ACP1: variants seen among roughly 807,000 people sequenced by gnomAD.
ACP1 encodes the protein low molecular weight phosphotyrosine protein phosphatase.
ACP1 carries 23 observed loss-of-function variants against 23.4 expected under a neutral mutation model. The ratio of observed to expected loss-of-function variants is 0.98; its 90% CI spans 0.71 to 1.39. The LOEUF is 1.39. ACP1 is among the 40% of genes most tolerant of loss of function. ACP1 has a pLI of 0.00. For missense variants in ACP1, 180 were observed against 197.7 expected (o/e 0.91, Z 0.54); for synonymous variants, 72 against 67.2 (o/e 1.07, Z -0.35).
At chr2:269,687 A>G (rs934357988) in intron 1 of ACP1, among the ~76,000 whole-genome samples, 3 of 152,176 alleles carry the variant, frequency 2.0e-5, no homozygotes, top group African/African-American at 7.2e-5. Flanking sequence ...AGCGCAGATC[A>G]TAGAAACTAG....
intron 3 of ACP1, chr2:273,162 G>A (rs1427370769): frequency 6.5e-6 from 1 of 153,358 alleles, no homozygotes; most frequent in African/African-American, 2.4e-5. Context: ...AAAACGGGAA[G>A]AGGGAAACAG....
chr2:265,031 T>A (rs1031876142), intron 1 of ACP1, 24 bp downstream of exon 1: 16 of 1,611,362 alleles, frequency 9.9e-6, no homozygotes, highest in Non-Finnish European at 1.1e-5. Context: ...GACTTACTCA[T>A]GTTCTGACGT....
rs567109315 is a variant in ACP1 at position 276,394 on chromosome 2, A to G, written c.294-586A>G. Among the ~76,000 whole-genome samples the G allele has an allele frequency of 5.9e-5, 9 of 152,314 alleles. No individual in the cohort carries two copies. In the South Asian group the frequency reaches 1.9e-3, roughly 32 times the overall value. The stretch of plus-strand genomic sequence containing the variant: ...CCCACATAAAGCACGTACCTGACTC[A>G]TCAACTCATCTGTCGCAGGTGCTCA... On this transcript the variant is annotated intron_variant, in intron 4 of 5. Transcript: ENST00000272065.
chr2:265,115 C>T (rs1669817902), intron 1 of ACP1, 108 bp downstream of exon 1: 6 of 1,408,818 alleles, frequency 4.3e-6, no homozygotes, highest in African/African-American at 2.9e-5. Context: ...GGGGAGGAGG[C>T]CAGGGACTGG....
chr2:274,956 C>A, intron 3 of ACP1, 184 bp from the exon 4 acceptor site: 1 of 381,430 alleles, frequency 2.6e-6, no homozygotes, highest in Admixed American at 4.3e-5. Flanking sequence ...AATTTCTTTG[C>A]AGTACAATTT....
chr2:273,925 T>C (rs970583249), intron 3 of ACP1, among the ~76,000 whole-genome samples: 12 of 152,132 alleles, frequency 7.9e-5, no homozygotes, highest in Non-Finnish European at 1.5e-5. Context: ...AATAACACTT[T>C]GGGAGGCTCA....
chr2:269,794 A>G (rs1210595180), intron 1 of ACP1, among the ~76,000 whole-genome samples: 1 of 152,220 alleles, frequency 6.6e-6, no homozygotes, highest in Non-Finnish European at 1.5e-5. Flanking sequence ...GCCCTGCCTC[A>G]TTCCTGGGGG....
chr2:276,303 T>G (rs1473877417), intron 4 of ACP1, among the ~76,000 whole-genome samples: 1 of 152,234 alleles, frequency 6.6e-6, no homozygotes, highest in Non-Finnish European at 1.5e-5. Context: ...CTGCCTGCAG[T>G]TCTCATTCCT....
chr2:264,989 G>T lies in ACP1; in HGVS notation c.25G>T (p.Val9Leu), dbSNP rs768112455. Residue 9 changes from valine to leucine, a missense_variant, in exon 1 of 6, where the codon GTG (valine) becomes TTG (leucine). By Grantham distance (32) the Val-to-Leu change is conservative. Around this residue, in one of 3 missense-constraint regions of ACP1, gnomAD observed 132 missense variants for 124.1 expected, o/e 1.06. Transcript: ENST00000272065. MAEQATKS[V>L]LFVCLGNICR... ...GATGGCGGAACAGGCTACCAAGTCC[G>T]TGCTGTTTGTGTGTCTGGGTAAGAG... 2 of 1,613,180 alleles carry T rather than the reference G, an allele frequency of 1.2e-6. No homozygotes were observed. The highest frequency in any genetic ancestry group is 1.7e-6 in the Non-Finnish European group (2 of 1,179,662).
In ACP1 at chr2:272,068, A is replaced by G. The variant is rs1336227647; in HGVS notation, c.149A>G (p.Tyr50Cys). 1 of 1,613,756 alleles carries G rather than the reference A, an allele frequency of 6.2e-7. No individual in the cohort carries two copies. Among genetic ancestry groups the G allele is most frequent in the East Asian group, 2.2e-5 (1 of 44,850 alleles). ...WRVDSAATSG[Y>C]EIGNPPDYRG... ...GTAGACAGCGCGGCAACTTCCGGGT[A>G]TGAGATAGGGAACCCCCCTGACTAC... Residue 50 changes from tyrosine (Y) to cysteine (C), a missense_variant, in exon 3 of 6, where the codon TAT becomes TGT. Tyr to Cys is a radical substitution (Grantham distance 194). Around this residue, in one of 3 missense-constraint regions of ACP1, gnomAD observed 132 missense variants for 124.1 expected, o/e 1.06. Coordinates refer to ENST00000272065, the MANE Select transcript of ACP1 (RefSeq NM_004300.4).
rs1363503621 is a variant in ACP1, at chr2:277,327, G to T, written c.*23G>T. Reference sequence around the variant, plus strand: ...TGAGGCAGGTTCGTGCCCTGCTGCGGCCAGCCTGACTAGACCCCACCCTGA... The same window carrying T: ...TGAGGCAGGTTCGTGCCCTGCTGCGTCCAGCCTGACTAGACCCCACCCTGA... On this transcript the variant is annotated 3_prime_UTR_variant, in exon 6 of 6. Transcript: ENST00000272065. The T allele has an allele frequency of 2.5e-6, 4 of 1,610,598 alleles. No homozygotes were observed. The Admixed American group carries it at 6.7e-5, about 27-fold the overall frequency.
intron 4 of ACP1, 100 bp downstream of exon 4, chr2:275,301 A>T: frequency 4.8e-6 from 3 of 620,530 alleles, no homozygotes; most frequent in Non-Finnish European, 8.3e-6. Context: ...TAAAGGTTTT[A>T]ATAGTCAGTG....
At chr2:270,065 C>T (rs778910159) in intron 1 of ACP1, among the ~76,000 whole-genome samples, 2 of 152,152 alleles carry the variant, frequency 1.3e-5, no homozygotes, top group East Asian at 1.9e-4. Context: ...CTCCTTCATA[C>T]GAGCCTCTTA....
At chr2:265,150 T>G (rs556600041) in intron 1 of ACP1, 143 bp downstream of exon 1, 8 of 919,750 alleles carry the variant, frequency 8.7e-6, no homozygotes, top group Middle Eastern at 2.4e-4. Flanking sequence ...TCTAGGAGTG[T>G]GCCGCAGCGC....
chr2:273,174 GGA>G (rs374373618), intron 3 of ACP1: 7 of 152,340 alleles, frequency 4.6e-5, no homozygotes, highest in Non-Finnish European at 7.3e-5. Flanking sequence ...GGGAAACAGA[GGA>G]GAGAGAGAGA....
Position 277,336 on chromosome 2 carries a change from A to G in ACP1, c.*32A>G, listed in dbSNP as rs1670202694. ...TTCGTGCCCTGCTGCGGCCAGCCTGACTAGACCCCACCCTGAGGTCCTGCA... is the reference window on the plus strand; with the variant it reads ...TTCGTGCCCTGCTGCGGCCAGCCTGGCTAGACCCCACCCTGAGGTCCTGCA... On this transcript the variant is annotated 3_prime_UTR_variant, in exon 6 of 6. Coordinates refer to ENST00000272065, the MANE Select transcript of ACP1 (RefSeq NM_004300.4). 6.3e-7 allele frequency: 1 copy of G among 1,593,478 alleles called. No homozygotes were observed. The highest frequency in any genetic ancestry group is 8.6e-7 in the Non-Finnish European group (1 of 1,163,078).
chr2:270,637 T>C (rs1276278777), intron 1 of ACP1, among the ~76,000 whole-genome samples: 1 of 152,134 alleles, frequency 6.6e-6, no homozygotes, highest in Non-Finnish European at 1.5e-5. Flanking sequence ...AGAGTTCAGC[T>C]GAATGGCCAG....
At chr2:273,632 G>T (rs1262644440) in intron 3 of ACP1, among the ~76,000 whole-genome samples, 1 of 152,172 alleles carries the variant, frequency 6.6e-6, no homozygotes, top group Non-Finnish European at 1.5e-5. Context: ...GTTTCTAGTT[G>T]TTTTTAGTAG....
At chr2:269,276 T>C (rs1171092248) in intron 1 of ACP1, 2 of 469,736 alleles carry the variant, frequency 4.3e-6, no homozygotes, top group African/African-American at 2.0e-5. Context: ...GGCTAATTTG[T>C]TGTCTTTCCC....
Sources: gnomAD v4.1 joint callset for allele counts (sites outside exome capture counted in the v4.1 genomes callset) on GRCh38, gnomAD v4.1.1 for gene constraint, gnomAD v4.1.1 regional missense constraint, MANE v1.5 for transcripts, NCBI Gene and HGNC (gene_info 2026-07-23, HGNC 2026-07-21) for gene names.